Variants in CAPZB observed in about 807,000 individuals in gnomAD.
CAPZB encodes the protein capping actin protein of muscle Z-line subunit beta.
A neutral mutation model predicts 38.1 loss-of-function variants in CAPZB; 2 were observed. The observed-to-expected ratio is 0.05, with a 90% CI of 0.02 to 0.17. The LOEUF (loss-of-function observed/expected upper bound fraction) is 0.17. CAPZB is among the 10% of genes least tolerant of loss of function. CAPZB has a pLI of 1.00. For synonymous variants in CAPZB, 107 were observed against 127.4 expected (o/e 0.84, Z 1.08); for missense variants, 161 against 334.2 (o/e 0.48, Z 4.04).
chr1:19,454,728 C>CA (rs1404263501), intron 1 of CAPZB, among the ~76,000 whole-genome samples: 1 of 152,214 alleles, frequency 6.6e-6, no homozygotes, highest in Non-Finnish European at 1.5e-5. Context: ...AAGCAATTGT[C>CA]ACGATCTTCT....
At chr1:19,358,658 CTA>C (rs1316123633) in intron 4 of CAPZB, among the ~76,000 whole-genome samples, 1 of 152,222 alleles carries the variant, frequency 6.6e-6, no homozygotes, top group Non-Finnish European at 1.5e-5. Context: ...CCAACAAAAA[CTA>C]TGCGAAATCT....
At chr1:19,477,744 T>G (rs1286486008) in intron 1 of CAPZB, among the ~76,000 whole-genome samples, 1 of 152,202 alleles carries the variant, frequency 6.6e-6, no homozygotes, top group Non-Finnish European at 1.5e-5. Context: ...TGCAAAAGCA[T>G]CTTTTCATAA....
At chr1:19,464,539 G>C (rs112043905) in intron 1 of CAPZB, among the ~76,000 whole-genome samples, 2 of 151,968 alleles carry the variant, frequency 1.3e-5, no homozygotes, top group African/African-American at 4.8e-5. Context: ...TGATCCACCC[G>C]CCTCGGCCTC....
chr1:19,389,401 T>C (rs902364432), intron 2 of CAPZB, among the ~76,000 whole-genome samples: 1 of 151,076 alleles, frequency 6.6e-6, no homozygotes, highest in Admixed American at 6.6e-5. Context: ...TTAGTATGAC[T>C]ACTTCCTAAA....
At chr1:19,436,226 C>T (rs1167741049) in intron 1 of CAPZB, among the ~76,000 whole-genome samples, 1 of 152,214 alleles carries the variant, frequency 6.6e-6, no homozygotes, top group East Asian at 1.9e-4. Flanking sequence ...AATCTCATGC[C>T]TTCCCACTCC....
chr1:19,406,203 G>T (rs535359838), intron 2 of CAPZB, among the ~76,000 whole-genome samples: 1 of 152,178 alleles, frequency 6.6e-6, no homozygotes, highest in Non-Finnish European at 1.5e-5. Flanking sequence ...GGAGGAGGGC[G>T]GGACTATTCC....
At chr1:19,444,153 G>A (rs1356987305) in intron 1 of CAPZB, among the ~76,000 whole-genome samples, 2 of 145,750 alleles carry the variant, frequency 1.4e-5, no homozygotes, top group Non-Finnish European at 3.1e-5. Context: ...GCCAGACTCC[G>A]TCTCAAGGAA....
intron 1 of CAPZB, among the ~76,000 whole-genome samples, chr1:19,480,923 G>C (rs1169535680): frequency 6.6e-6 from 1 of 152,188 alleles, no homozygotes; most frequent in Admixed American, 6.5e-5. Context: ...GCTAGACAGG[G>C]ACTAACCATA....
intron 1 of CAPZB, among the ~76,000 whole-genome samples, chr1:19,457,228 C>T (rs186827109): frequency 1.3e-5 from 2 of 152,240 alleles, no homozygotes; most frequent in East Asian, 3.9e-4. Context: ...TGATTAGGCC[C>T]CTTAGCCATA....
At chr1:19,451,427 T>C (rs935183703) in intron 1 of CAPZB, among the ~76,000 whole-genome samples, 3 of 152,164 alleles carry the variant, frequency 2.0e-5, no homozygotes, top group East Asian at 1.9e-4. Flanking sequence ...TGGCAACATA[T>C]GATGTGCTCT....
intron 1 of CAPZB, among the ~76,000 whole-genome samples, chr1:19,442,971 G>A (rs1387286367): frequency 6.6e-6 from 1 of 152,162 alleles, no homozygotes; most frequent in Non-Finnish European, 1.5e-5. Context: ...TCAGCGTCCA[G>A]AGGAGTGAAC....
At chr1:19,411,465 T>C (rs761977277) in intron 2 of CAPZB, among the ~76,000 whole-genome samples, 2 of 152,236 alleles carry the variant, frequency 1.3e-5, no homozygotes, top group African/African-American at 4.8e-5. Context: ...CAACCATTAC[T>C]GTTCTAGGAC....
At chr1:19,366,283 A>AAAATATATATAT (rs2094085270) in intron 4 of CAPZB, among the ~76,000 whole-genome samples, 2 of 60,504 alleles carry the variant, frequency 3.3e-5, no homozygotes, top group African/African-American at 1.3e-4. Context: ...CGTGTCTTAA[A>AAAATATATATAT]ATATATATAT....
At chr1:19,485,336 C>T (rs1024983240) in intron 1 of CAPZB, 100 bp downstream of exon 1, 1 of 873,966 alleles carries the variant, frequency 1.1e-6, no homozygotes, top group Admixed American at 4.3e-5. Flanking sequence ...CCTCCCCCAC[C>T]CCGGGAAGCC....
chr1:19,365,384 C>T lies in CAPZB; in HGVS notation c.330-7821G>A, dbSNP rs113460957. On this transcript the variant is annotated intron_variant, in intron 4 of 8. Coordinates refer to ENST00000264202, the MANE Select transcript of CAPZB (RefSeq NM_004930.5). Reference sequence around the variant, plus strand: ...CAGGAATATACGTGAAAGCAGGAGACTGTGCAAATGAGGATGTCACTGAGT... The same window carrying T: ...CAGGAATATACGTGAAAGCAGGAGATTGTGCAAATGAGGATGTCACTGAGT... Among the ~76,000 whole-genome samples, 33 of 152,332 alleles carry T rather than the reference C, an allele frequency of 2.2e-4. 1 individual carries two copies. The highest frequency in any genetic ancestry group is 7.7e-4 in the African/African-American group (32 of 41,570).
chr1:19,467,994 T>C (rs943543752), intron 1 of CAPZB, among the ~76,000 whole-genome samples: 1 of 152,006 alleles, frequency 6.6e-6, no homozygotes, highest in Non-Finnish European at 1.5e-5. Flanking sequence ...TCCCAACACT[T>C]TGAGAGGCTG....
intron 1 of CAPZB, among the ~76,000 whole-genome samples, chr1:19,461,988 TA>T (rs2094553315): frequency 6.6e-6 from 1 of 152,142 alleles, no homozygotes; most frequent in Non-Finnish European, 1.5e-5. Flanking sequence ...CTATTAATGA[TA>T]CAATCATAAA....
chr1:19,375,922 C>A (rs989830323), intron 4 of CAPZB, among the ~76,000 whole-genome samples: 2 of 152,172 alleles, frequency 1.3e-5, no homozygotes, highest in African/African-American at 4.8e-5. Flanking sequence ...TAGGGAAATT[C>A]TCATGATAAC....
intron 1 of CAPZB, among the ~76,000 whole-genome samples, chr1:19,485,223 G>A (rs964615286): frequency 1.1e-4 from 16 of 152,264 alleles, no homozygotes; most frequent in East Asian, 1.9e-4. Context: ...CAAGGGCGGG[G>A]GCTGGGAGCG....
Sources: gnomAD v4.1 joint callset for allele counts (sites outside exome capture counted in the v4.1 genomes callset) on GRCh38, gnomAD v4.1.1 for gene constraint, MANE v1.5 for transcripts, NCBI Gene and HGNC (gene_info 2026-07-23, HGNC 2026-07-21) for gene names.